CAMK1D: variants seen among roughly 807,000 people sequenced by gnomAD.
CAMK1D encodes calcium/calmodulin dependent protein kinase ID.
CAMK1D carries 9 observed loss-of-function variants against 47.7 expected under a neutral mutation model. The observed-to-expected ratio is 0.19, with a 90% CI of 0.11 to 0.33. The LOEUF is 0.33. Ranked by LOEUF, CAMK1D falls within the 10% of genes least tolerant of loss-of-function variation. CAMK1D has a pLI of 1.00. For missense variants in CAMK1D, 291 were observed against 488.7 expected (o/e 0.60, Z 3.81); for synonymous variants, 184 against 184.9 (o/e 0.99, Z 0.04).
At chr10:12,614,071 A>T (rs915654298) in intron 2 of CAMK1D, among the ~76,000 whole-genome samples, 5 of 152,140 alleles carry the variant, frequency 3.3e-5, no homozygotes, top group Non-Finnish European at 5.9e-5. Context: ...GACAGGTAGG[A>T]TAGGGTGATG....
chr10:12,533,986 A>G (rs1204291684), intron 1 of CAMK1D, among the ~76,000 whole-genome samples: 1 of 152,188 alleles, frequency 6.6e-6, no homozygotes, highest in African/African-American at 2.4e-5. Context: ...TCTGCCTGAT[A>G]GCTGAATCAA....
Position 12,828,759 on chromosome 10 carries a change from T to C in CAMK1D, c.1040-10T>C. 1 of 1,608,260 alleles carries C rather than the reference T, an allele frequency of 6.2e-7. No homozygotes were observed. The highest frequency in any genetic ancestry group is 8.5e-7 in the Non-Finnish European group (1 of 1,175,208). ...GAAACTCTGAAGCCCACTTCTGCTG[T>C]TCCCTGCAGGTCTGGCACCTTCCAC... On this transcript the variant is annotated splice_polypyrimidine_tract_variant and intron_variant, in intron 10 of 10. Transcript: ENST00000619168.
intron 2 of CAMK1D, among the ~76,000 whole-genome samples, chr10:12,630,472 A>T (rs1839347992): frequency 6.6e-6 from 1 of 151,180 alleles, no homozygotes; most frequent in African/African-American, 2.4e-5. Flanking sequence ...GAACTCTTGT[A>T]CTTGAGTGAT....
chr10:12,364,688 G>A (rs1837781978), intron 1 of CAMK1D, among the ~76,000 whole-genome samples: 1 of 152,184 alleles, frequency 6.6e-6, no homozygotes, highest in Non-Finnish European at 1.5e-5. Flanking sequence ...GAGGCCATTG[G>A]AGTCAGTTGT....
chr10:12,809,578 C>T (rs1306057435), intron 6 of CAMK1D, among the ~76,000 whole-genome samples: 1 of 152,186 alleles, frequency 6.6e-6, no homozygotes, highest in Non-Finnish European at 1.5e-5. Context: ...CAACATGTGA[C>T]AACATGGGTG....
chr10:12,732,783 A>G (rs1439484941), intron 3 of CAMK1D, among the ~76,000 whole-genome samples: 1 of 151,676 alleles, frequency 6.6e-6, no homozygotes, highest in Non-Finnish European at 1.5e-5. Context: ...TCACAGCAAC[A>G]ATGAGGGGCA....
chr10:12,705,510 C>T (rs1271019987), intron 3 of CAMK1D, among the ~76,000 whole-genome samples: 1 of 152,028 alleles, frequency 6.6e-6, no homozygotes, highest in Non-Finnish European at 1.5e-5. Context: ...TACCATGCAT[C>T]ATAACAATAA....
chr10:12,408,286 C>T (rs1042636672), intron 1 of CAMK1D, among the ~76,000 whole-genome samples: 1 of 152,158 alleles, frequency 6.6e-6, no homozygotes, highest in African/African-American at 2.4e-5. Flanking sequence ...CTCAACCTCC[C>T]GAGTAGTTGG....
intron 1 of CAMK1D, among the ~76,000 whole-genome samples, chr10:12,444,675 G>A (rs1271478360): frequency 7.9e-5 from 12 of 152,158 alleles, no homozygotes; most frequent in Admixed American, 7.2e-4. Context: ...TTCAAAGAAA[G>A]GGATTTTGGA....
At chr10:12,370,023 A>G (rs1837960075) in intron 1 of CAMK1D, among the ~76,000 whole-genome samples, 1 of 151,426 alleles carries the variant, frequency 6.6e-6, no homozygotes, top group Admixed American at 6.6e-5. Flanking sequence ...ATTATTTAAT[A>G]ATAATAGCAA....
At chr10:12,437,949 C>T (rs189813981) in intron 1 of CAMK1D, among the ~76,000 whole-genome samples, 55 of 152,338 alleles carry the variant, frequency 3.6e-4, no homozygotes, top group African/African-American at 1.3e-3. Flanking sequence ...AGGGTTCTTA[C>T]TGAGAGCTGG....
chr10:12,581,368 T>C (rs1210079168), intron 2 of CAMK1D, among the ~76,000 whole-genome samples: 1 of 152,242 alleles, frequency 6.6e-6, no homozygotes, highest in Non-Finnish European at 1.5e-5. Flanking sequence ...AGTATGTTTT[T>C]TGTACAATGA....
At chr10:12,682,092 T>C (rs887340767) in intron 3 of CAMK1D, among the ~76,000 whole-genome samples, 10 of 152,226 alleles carry the variant, frequency 6.6e-5, no homozygotes, top group East Asian at 1.9e-4. Flanking sequence ...TGGTGTTGGG[T>C]GCCTGTAGTC....
chr10:12,786,675 A>G (rs140665876), intron 5 of CAMK1D, among the ~76,000 whole-genome samples: 2 of 152,320 alleles, frequency 1.3e-5, no homozygotes, highest in African/African-American at 4.8e-5. Context: ...CTCCTGTCTT[A>G]GCCTTCCAAA....
intron 2 of CAMK1D, among the ~76,000 whole-genome samples, chr10:12,564,385 G>T (rs1235400741): frequency 6.6e-6 from 1 of 152,014 alleles, no homozygotes; most frequent in Non-Finnish European, 1.5e-5. Flanking sequence ...GATTCATATG[G>T]CAAATGAATT....
At chr10:12,544,153 A>G (rs946845693) in intron 1 of CAMK1D, among the ~76,000 whole-genome samples, 4 of 152,232 alleles carry the variant, frequency 2.6e-5, no homozygotes, top group Admixed American at 2.0e-4. Context: ...TGTACAGCCT[A>G]TCATCAGGTG....
chr10:12,359,537 T>A (rs1054708096), intron 1 of CAMK1D, among the ~76,000 whole-genome samples: 3 of 151,468 alleles, frequency 2.0e-5, no homozygotes, highest in Non-Finnish European at 4.4e-5. Flanking sequence ...TTTTTTTTTT[T>A]CTCTGCACCT....
At position 12,467,667 on chromosome 10, in the gene CAMK1D, C is replaced by T. The variant is rs149600771; in HGVS notation, c.93-85558C>T. ...CTCATCAACACTCATTTTATGAGAG[C>T]GTTAGCAGAGATACACTTCATAATG... is the stretch of plus-strand genomic sequence containing the variant. On this transcript the variant is annotated intron_variant, in intron 1 of 10. Coordinates refer to ENST00000619168, the MANE Select transcript of CAMK1D (RefSeq NM_153498.4). Among the ~76,000 whole-genome samples the T allele has an allele frequency of 4.4e-4, 67 of 152,240 alleles. No homozygotes were observed. In the East Asian group the frequency reaches 0.012, roughly 28 times the overall value.
intron 2 of CAMK1D, among the ~76,000 whole-genome samples, chr10:12,631,688 CTTT>C (rs58291909): frequency 1.4e-5 from 2 of 144,146 alleles, no homozygotes; most frequent in Non-Finnish European, 1.5e-5. Context: ...CACGTTAATC[CTTT>C]TTTTTTTTTT....
Sources: gnomAD v4.1 joint callset for allele counts (sites outside exome capture counted in the v4.1 genomes callset) on GRCh38, gnomAD v4.1.1 for gene constraint, MANE v1.5 for transcripts, NCBI Gene and HGNC (gene_info 2026-07-23, HGNC 2026-07-21) for gene names.